The following NKX6-3 variants were observed in gnomAD, a reference collection of about 807,000 sequenced individuals.
NKX6-3 encodes homeobox protein Nkx-6.3.
A neutral mutation model predicts 22.0 loss-of-function variants in NKX6-3; 17 were observed. The observed-to-expected ratio is 0.77, with a 90% CI of 0.53 to 1.16. The LOEUF is 1.16. Among genes scored for constraint, NKX6-3 ranks in the 50% most tolerant of loss-of-function variants. The pLI is 0.00. For synonymous variants in NKX6-3, 177 were observed against 167.2 expected (o/e 1.06, Z -0.45); for missense variants, 363 against 359.0 (o/e 1.01, Z -0.09).
At chr8:41,649,272 G>T (rs1804267934) in intron 1 of NKX6-3, among the ~76,000 whole-genome samples, 1 of 152,122 alleles carries the variant, frequency 6.6e-6, no homozygotes, top group Non-Finnish European at 1.5e-5. Flanking sequence ...CCCTAGGTTG[G>T]CCCCAAGCCC....
chr8:41,647,325 T>G (rs1028252837), intron 2 of NKX6-3: 3 of 1,581,558 alleles, frequency 1.9e-6, no homozygotes, highest in Non-Finnish European at 1.7e-6. Context: ...GAGCAAAGCC[T>G]AGACCCAGGT....
Position 41,650,180 on chromosome 8 carries a change from G to A in NKX6-3, c.313C>T (p.Pro105Ser). Reference sequence around the variant, plus strand: ...GCCCAGCAGTTCCGGGTCCGGGTCGGGTACTCGTTCCCAGCCTTGGAAAAA... The same window carrying A: ...GCCCAGCAGTTCCGGGTCCGGGTCGAGTACTCGTTCCCAGCCTTGGAAAAA... ...GNFSKAGNEY[P>S]TRTRNCWADT... The change falls in exon 1 of 3, where the codon CCG becomes TCG. Residue 105 changes from proline (P) to serine (S), a missense_variant. Physicochemically the swap from Pro to Ser is moderately conservative, Grantham distance 74. This residue lies in a region of NKX6-3 where 175 missense variants were observed against 160.9 expected (regional missense o/e 1.09). Coordinates refer to ENST00000518699, the MANE Select transcript of NKX6-3 (RefSeq NM_001364841.2). 1 of 1,535,504 alleles carries A rather than the reference G, an allele frequency of 6.5e-7. No homozygotes were observed. Among genetic ancestry groups the A allele is most frequent in the Non-Finnish European group, 8.7e-7 (1 of 1,146,604 alleles).
In NKX6-3 at chr8:41,646,641, G is replaced by A; in HGVS notation, c.606C>T (p.Pro202=). ...CCGGGGCCCGGGGCGTGGAGGACGA[G>A]GGCTCCAGGGCGCTCTTCTTCCGCC... The part of the protein sequence containing the change: ...TKWRKKSALE[P]SSSTPRAPGG... The change falls in exon 3 of 3, where the codon CCC becomes CCT. Residue 202 remains proline, a synonymous_variant. Coordinates refer to ENST00000518699, the MANE Select transcript of NKX6-3 (RefSeq NM_001364841.2). 6.5e-7 allele frequency: 1 copy of A among 1,547,096 alleles called. No homozygotes were observed. The highest frequency in any genetic ancestry group is 8.7e-7 in the Non-Finnish European group (1 of 1,147,280).
At chr8:41,650,055 C>T in intron 1 of NKX6-3, 56 bp downstream of exon 1, 1 of 1,487,038 alleles carries the variant, frequency 6.7e-7, no homozygotes, top group Non-Finnish European at 8.9e-7. Flanking sequence ...TCCTCGTCCT[C>T]TGCCCCCCGG....
In NKX6-3 at chr8:41,646,274, TCCCCCG is replaced by T; in HGVS notation, c.*169_*174del. The T allele has an allele frequency of 2.4e-6, 2 of 824,560 alleles. No individual in the cohort carries two copies. Among genetic ancestry groups the T allele is most frequent in the Non-Finnish European group, 3.7e-6 (2 of 542,676 alleles). 51.1% of individuals were successfully genotyped at this position (824,560 alleles called of 1,614,324 possible). ...CCCCTTTCCCTCCTTTTCCTCCTCC[TCCCCCG>T]CCTCCCCTCCTCCTCCCCTGCACCT... On this transcript the variant is annotated 3_prime_UTR_variant, in exon 3 of 3. Transcript: ENST00000518699.
At position 41,649,120 on chromosome 8, in the gene NKX6-3, A is replaced by C. The variant is rs141733122; in HGVS notation, c.383-885T>G. Reference sequence around the variant, plus strand: ...TGAGGCTTAAAGCACCCCTGAAGCCAAGCCTAAAACAGGATCTGAGAGAGG... The same window carrying C: ...TGAGGCTTAAAGCACCCCTGAAGCCCAGCCTAAAACAGGATCTGAGAGAGG... On this transcript the variant is annotated intron_variant, in intron 1 of 2. Coordinates refer to ENST00000518699, the MANE Select transcript of NKX6-3 (RefSeq NM_001364841.2). Among the ~76,000 whole-genome samples the C allele has an allele frequency of 3.9e-3, 601 of 152,306 alleles. 9 individuals are homozygous for C. The highest frequency in any genetic ancestry group is 0.036 in the Admixed American group (552 of 15,302).
intron 2 of NKX6-3, among the ~76,000 whole-genome samples, chr8:41,646,972 T>TCC (rs1207214160): frequency 2.1e-4 from 18 of 85,040 alleles, no homozygotes; most frequent in African/African-American, 8.8e-4. Context: ...CTCCTCCTCC[T>TCC]TCTCCTCCTC....
intron 2 of NKX6-3, chr8:41,647,375 T>G: frequency 1.3e-6 from 2 of 1,537,296 alleles, no homozygotes; most frequent in Non-Finnish European, 1.7e-6. Context: ...CGTCGCCGAG[T>G]CACTGAGCCA....
chr8:41,647,725 C>T (rs1804241603), intron 2 of NKX6-3, among the ~76,000 whole-genome samples: 1 of 152,068 alleles, frequency 6.6e-6, no homozygotes, highest in Non-Finnish European at 1.5e-5. Context: ...GTTGGAGTCC[C>T]CCACATCTGG....
At position 41,646,329 on chromosome 8, in the gene NKX6-3, TCATC is replaced by T. The variant is rs1299872598; in HGVS notation, c.*116_*119del. The stretch of plus-strand genomic sequence containing the variant: ...CTGCTGCTCCTCCTCCACGCGCCCC[TCATC>T]CAAAGAAAGACTCAGTCCCTGCGCC... On this transcript the variant is annotated 3_prime_UTR_variant, in exon 3 of 3. Transcript: ENST00000518699. The T allele has an allele frequency of 1.6e-6, 2 of 1,241,454 alleles. No individual in the cohort carries two copies. The highest frequency in any genetic ancestry group is 2.1e-6 in the Non-Finnish European group (2 of 933,574). 76.9% of individuals were successfully genotyped at this position (1,241,454 alleles called of 1,614,324 possible).
At chr8:41,648,361 TC>T in intron 1 of NKX6-3, 126 bp from the exon 2 acceptor site, 1 of 784,486 alleles carries the variant, frequency 1.3e-6, no homozygotes, top group East Asian at 2.7e-5. Flanking sequence ...ACACCAAGAT[TC>T]CTTTCCCCTG....
chr8:41,646,881 C>T (rs1368315102), intron 2 of NKX6-3, among the ~76,000 whole-genome samples, 187 bp from the exon 3 acceptor site: 1 of 109,376 alleles, frequency 9.1e-6, no homozygotes, highest in Non-Finnish European at 1.9e-5. Flanking sequence ...CGCCCCCCGC[C>T]CCCACCATTT....
chr8:41,647,894 G>A (rs1389471320), intron 2 of NKX6-3, among the ~76,000 whole-genome samples, 172 bp downstream of exon 2: 1 of 152,176 alleles, frequency 6.6e-6, no homozygotes, highest in Non-Finnish European at 1.5e-5. Context: ...GCCTTTCCCG[G>A]CTATGGTTAA....
In NKX6-3 at chr8:41,645,899, TGTGCACAGGTCTGAGGA is replaced by T. The variant is rs921824403; in HGVS notation, c.*533_*549del. ...CTGGCCCCTCCAGTGGGACCCTTCC[TGTGCACAGGTCTGAGGA>T]GTGCACCTGGCCACTCACCTGTCTT... On this transcript the variant is annotated 3_prime_UTR_variant, in exon 3 of 3. Coordinates refer to ENST00000518699, the MANE Select transcript of NKX6-3 (RefSeq NM_001364841.2). 1 of 155,308 alleles carries T rather than the reference TGTGCACAGGTCTGAGGA, an allele frequency of 6.4e-6. No individual in the cohort carries two copies. Among genetic ancestry groups the T allele is most frequent in the Non-Finnish European group, 1.4e-5 (1 of 70,436 alleles). 9.6% of individuals were successfully genotyped at this position (155,308 alleles called of 1,614,324 possible).
At position 41,646,322 on chromosome 8, in the gene NKX6-3, G is replaced by T; in HGVS notation, c.*127C>A. ...CCTGCACCTGCTGCTCCTCCTCCAC[G>T]CGCCCCTCATCCAAAGAAAGACTCA... On this transcript the variant is annotated 3_prime_UTR_variant, in exon 3 of 3. Coordinates refer to ENST00000518699, the MANE Select transcript of NKX6-3 (RefSeq NM_001364841.2). 2 of 1,208,022 alleles carry T rather than the reference G, an allele frequency of 1.7e-6. No homozygotes were observed. The highest frequency in any genetic ancestry group is 2.2e-6 in the Non-Finnish European group (2 of 904,356). 74.8% of individuals were successfully genotyped at this position (1,208,022 alleles called of 1,614,324 possible).
chr8:41,647,702 G>A (rs989624620), intron 2 of NKX6-3, among the ~76,000 whole-genome samples: 3 of 152,104 alleles, frequency 2.0e-5, no homozygotes, highest in Admixed American at 1.3e-4. Context: ...CGGGGGGAGA[G>A]GGAAAGCCTC....
rs1277095423 is a variant in NKX6-3 at position 41,645,598 on chromosome 8, A to C, written c.*851T>G. The C allele has an allele frequency of 6.6e-6, 1 of 151,830 alleles. No individual in the cohort carries two copies. Among genetic ancestry groups the C allele is most frequent in the Non-Finnish European group, 1.5e-5 (1 of 68,004 alleles). 9.4% of individuals were successfully genotyped at this position (151,830 alleles called of 1,614,324 possible). A position where few individuals can be genotyped will look rare whatever the true frequency, so the allele number is the denominator to read the frequency against. On this transcript the variant is annotated 3_prime_UTR_variant, in exon 3 of 3. Transcript: ENST00000518699. ...CTCTGGGTGGGCCTGTCCTTATATC[A>C]GCACCAAATGATGCCCAGGTGGGTG...
rs1382903042 is a variant in NKX6-3, at chr8:41,650,314, C to A, written c.179G>T (p.Ser60Ile). Residue 60 changes from serine to isoleucine, a missense_variant, in exon 1 of 3, where the codon AGC becomes ATC. Ser to Ile is a moderately radical substitution (Grantham distance 142). Coordinates refer to ENST00000518699, the MANE Select transcript of NKX6-3 (RefSeq NM_001364841.2). ...GTTGTTCGGCGCAGCCACGGGCCTG[C>A]TCAGGATGTCCGTGATCCCGTGGGG... Reference protein sequence around the residue: ...GTPHGITDILSRPVAAPNNSL... With the variant: ...GTPHGITDILIRPVAAPNNSL... 1 of 1,535,044 alleles carries A rather than the reference C, an allele frequency of 6.5e-7. No homozygotes were observed.
Position 41,650,236 on chromosome 8 carries a change from T to G in NKX6-3, c.257A>C (p.Gln86Pro), listed in dbSNP as rs1428709320. ...HVAGFGGLSSQGVYYSPQVGN... is the reference protein window; with the variant it reads ...HVAGFGGLSSPGVYYSPQVGN... ...TACCTGGGGGCTGTAGTAGACCCCC[T>G]GCGAGCTGAGCCCCCCAAAGCCTGC... Residue 86 changes from glutamine to proline, a missense_variant, in exon 1 of 3, where the codon CAG (glutamine) becomes CCG (proline). Gln to Pro is a moderately conservative substitution (Grantham distance 76, BLOSUM62 -1). Coordinates refer to ENST00000518699, the MANE Select transcript of NKX6-3 (RefSeq NM_001364841.2). The G allele has an allele frequency of 2.0e-6, 3 of 1,533,396 alleles. No individual in the cohort carries two copies. Among genetic ancestry groups the G allele is most frequent in the Admixed American group, 2.0e-5 (1 of 50,660 alleles). 95.0% of individuals were successfully genotyped at this position (1,533,396 alleles called of 1,614,324 possible). A position where few individuals can be genotyped will look rare whatever the true frequency, so the allele number is the denominator to read the frequency against.
Sources: gnomAD v4.1 joint callset for allele counts (sites outside exome capture counted in the v4.1 genomes callset) on GRCh38, gnomAD v4.1.1 for gene constraint, gnomAD v4.1.1 regional missense constraint, MANE v1.5 for transcripts, NCBI Gene and HGNC (gene_info 2026-07-23, HGNC 2026-07-21) for gene names.